Variants in COMMD1 observed in about 807,000 individuals in gnomAD.
COMMD1 encodes COMM domain-containing protein 1.
Under a neutral mutation model 17.2 loss-of-function variants are expected in COMMD1, and 10 were observed. That is an observed-to-expected ratio of 0.58 (90% CI 0.36 to 0.99). The LOEUF is 0.99. COMMD1 is among the 50% of genes least tolerant of loss of function. The pLI, the probability that COMMD1 is intolerant of heterozygous loss-of-function variation, is 0.01. For synonymous variants in COMMD1, 97 were observed against 91.6 expected (o/e 1.06, Z -0.34); for missense variants, 270 against 231.8 (o/e 1.17, Z -1.07).
upstream of COMMD1, among the ~76,000 whole-genome samples, chr2:61,905,380 C>T (rs1363205816): frequency 1.3e-5 from 2 of 152,220 alleles, no homozygotes; most frequent in Non-Finnish European, 2.9e-5. Flanking sequence ...TAGGCTGCTA[C>T]CCCATCTCCA....
At chr2:62,128,343 A>T (rs999687520) in intron 2 of COMMD1, among the ~76,000 whole-genome samples, 2 of 151,724 alleles carry the variant, frequency 1.3e-5, no homozygotes, top group South Asian at 4.1e-4. Flanking sequence ...AAGAAAAAAA[A>T]AAAACAAAAA....
chr2:61,916,961 G>T (rs1421053788), intron 1 of COMMD1, among the ~76,000 whole-genome samples: 1 of 152,012 alleles, frequency 6.6e-6, no homozygotes. Flanking sequence ...TTGGTGTTTT[G>T]CATATTGTAG....
At chr2:61,931,502 C>G (rs1328621960) in intron 1 of COMMD1, among the ~76,000 whole-genome samples, 2 of 152,200 alleles carry the variant, frequency 1.3e-5, no homozygotes, top group African/African-American at 4.8e-5. Flanking sequence ...CCTCAAAGTT[C>G]TCATGGGCAG....
intron 1 of COMMD1, among the ~76,000 whole-genome samples, chr2:61,984,935 C>G (rs1672062050): frequency 6.7e-6 from 1 of 149,130 alleles, no homozygotes; most frequent in Admixed American, 6.7e-5. Context: ...TAGTTTTTAT[C>G]TTGAAATCCA....
intron 1 of COMMD1, among the ~76,000 whole-genome samples, chr2:61,956,870 C>T (rs1474177740): frequency 4.6e-5 from 7 of 152,068 alleles, no homozygotes; most frequent in African/African-American, 7.2e-5. Flanking sequence ...CCTGCCTCAG[C>T]CTCCCAAGTA....
At chr2:61,959,441 A>G (rs1003407467) in intron 1 of COMMD1, among the ~76,000 whole-genome samples, 1 of 152,194 alleles carries the variant, frequency 6.6e-6, no homozygotes, top group Non-Finnish European at 1.5e-5. Context: ...GGCACTTAAT[A>G]TTTATTGAAA....
At chr2:61,964,519 A>G (rs115941828) in intron 1 of COMMD1, among the ~76,000 whole-genome samples, 1,838 of 151,252 alleles carry the variant, frequency 0.012, 41 homozygotes, top group African/African-American at 0.043. Flanking sequence ...CTGGTCTTAT[A>G]TTTTTCATTT....
intron 2 of COMMD1, among the ~76,000 whole-genome samples, chr2:62,074,350 T>A (rs1396172388): frequency 6.6e-6 from 1 of 152,218 alleles, no homozygotes; most frequent in East Asian, 1.9e-4. Context: ...ATCACATGGT[T>A]GGTCTTTCTG....
At chr2:62,019,100 C>CG (rs2103851080) in intron 2 of COMMD1, among the ~76,000 whole-genome samples, 1 of 93,680 alleles carries the variant, frequency 1.1e-5, no homozygotes, top group African/African-American at 4.3e-5. Flanking sequence ...CTCTCTCTCT[C>CG]TTCCCTCCCT....
chr2:61,983,504 A>T (rs1465147835), intron 1 of COMMD1, among the ~76,000 whole-genome samples: 1 of 151,846 alleles, frequency 6.6e-6, no homozygotes, highest in African/African-American at 2.4e-5. Context: ...ATGGCTTTTA[A>T]TGCATGTTCA....
chr2:61,953,385 T>G (rs75965143), intron 1 of COMMD1, among the ~76,000 whole-genome samples: 1 of 150,614 alleles, frequency 6.6e-6, no homozygotes, highest in Non-Finnish European at 1.5e-5. Context: ...TTTTTTTTTT[T>G]TGAGACTGAG....
intron 2 of COMMD1, among the ~76,000 whole-genome samples, chr2:62,115,726 T>G (rs1372987206): frequency 6.6e-6 from 1 of 152,068 alleles, no homozygotes; most frequent in African/African-American, 2.4e-5. Context: ...TGGTTGTGTG[T>G]GAGAGAACGA....
At chr2:61,910,314 G>A (rs771877394) in intron 1 of COMMD1, among the ~76,000 whole-genome samples, 6 of 151,408 alleles carry the variant, frequency 4.0e-5, no homozygotes, top group East Asian at 1.9e-4. Context: ...GCGGTGGCTC[G>A]ATCTTGGCTC....
chr2:61,939,997 G>C (rs563062665), intron 1 of COMMD1, among the ~76,000 whole-genome samples: 4 of 152,266 alleles, frequency 2.6e-5, no homozygotes, highest in African/African-American at 9.6e-5. Flanking sequence ...GAACTCTTTT[G>C]AACACCTTTA....
At chr2:61,888,625 G>A (rs1669322050), upstream of COMMD1, 3 of 1,274,456 alleles carry the variant, frequency 2.4e-6, no homozygotes, top group Non-Finnish European at 3.1e-6. Context: ...AGAAAGCGGC[G>A]CCGGCGTCGG....
intron 2 of COMMD1, among the ~76,000 whole-genome samples, chr2:62,021,050 C>T (rs1352216290): frequency 2.0e-5 from 3 of 151,676 alleles, no homozygotes; most frequent in Non-Finnish European, 4.4e-5. Flanking sequence ...ATCTGTAAGT[C>T]ACACCTTTAA....
intron 1 of COMMD1, among the ~76,000 whole-genome samples, chr2:61,995,086 AT>A (rs2103788924): frequency 9.1e-6 from 1 of 109,924 alleles, no homozygotes; most frequent in South Asian, 4.0e-4. Flanking sequence ...CTGTTATCAG[AT>A]TCAGCTTAAA....
At chr2:62,093,743 G>A (rs578100152) in intron 2 of COMMD1, among the ~76,000 whole-genome samples, 1 of 152,288 alleles carries the variant, frequency 6.6e-6, no homozygotes, top group East Asian at 1.9e-4. Context: ...TTTGGCATCT[G>A]AATTGCTTCT....
intron 1 of COMMD1, among the ~76,000 whole-genome samples, chr2:61,923,037 A>T (rs1001583753): frequency 6.6e-5 from 10 of 152,240 alleles, no homozygotes; most frequent in African/African-American, 2.4e-4. Context: ...TTGCTTTTCA[A>T]GATATCTAGC....
Sources: gnomAD v4.1 joint callset for allele counts (sites outside exome capture counted in the v4.1 genomes callset) on GRCh38, gnomAD v4.1.1 for gene constraint, MANE v1.5 for transcripts, NCBI Gene and HGNC (gene_info 2026-07-23, HGNC 2026-07-21) for gene names.